SSBP4: variants seen among roughly 807,000 people sequenced by gnomAD.
The protein encoded by SSBP4 is single-stranded DNA-binding protein 4.
In SSBP4, 33 loss-of-function variants were observed where a neutral mutation model predicts 64.6. That is an observed-to-expected ratio of 0.51 (90% CI 0.39 to 0.68). SSBP4 has a LOEUF of 0.68. Ranked by LOEUF, SSBP4 falls within the 30% of genes least tolerant of loss-of-function variation. The pLI is 0.00. For missense variants in SSBP4, 583 were observed against 566.8 expected, an observed-to-expected ratio of 1.03 and a Z score of -0.29; for synonymous variants, 243 against 224.0, an observed-to-expected ratio of 1.08 and a Z score of -0.76.
In SSBP4 at chr19:18,423,359, G is replaced by A. The variant is rs1175098280; in HGVS notation, c.59+3652G>A. 6.6e-6 allele frequency among the ~76,000 whole-genome samples: 1 copy of A among 152,218 alleles called. No individual in the cohort carries two copies. Among genetic ancestry groups the A allele is most frequent in the Non-Finnish European group, 1.5e-5 (1 of 68,040 alleles). ...TTGGCCCCTGGCTGGAAATGGCTAT[G>A]AGGGGCAGGTGTGGAGGGTAGTAAG... On this transcript the variant is annotated intron_variant, in intron 1 of 17. Coordinates refer to ENST00000270061, the MANE Select transcript of SSBP4 (RefSeq NM_032627.5). The surrounding 1 kb of genome is among the most constrained non-coding windows in gnomAD (Gnocchi z 4.0).
chr19:18,405,497 CAA>C, the SSBP4 span, among the ~76,000 whole-genome samples: 841 of 124,190 alleles, frequency 6.8e-3, 1 homozygote, highest in Non-Finnish European at 9.2e-3. Flanking sequence ...TCTGTCTCTA[CAA>C]AAAAAAAAAA....
rs780991715 is a variant in SSBP4 at position 18,433,687 on chromosome 19, G to A, written c.1021-23G>A. The A allele has an allele frequency of 1.6e-4, 223 of 1,391,998 alleles. 8 individuals are homozygous for A. Among genetic ancestry groups the A allele is most frequent in the Non-Finnish European group, 1.2e-4 (127 of 1,078,386 alleles). 86.2% of individuals were successfully genotyped at this position (1,391,998 alleles called of 1,614,324 possible). ...GGGAGGGGGCGGGGCGGGGAGTTGCGAGCCGACGGCGGCCGCCCCCAGAGT... is the reference window on the plus strand; with the variant it reads ...GGGAGGGGGCGGGGCGGGGAGTTGCAAGCCGACGGCGGCCGCCCCCAGAGT... On this transcript the variant is annotated intron_variant, in intron 16 of 17. Coordinates refer to ENST00000270061, the MANE Select transcript of SSBP4 (RefSeq NM_032627.5).
Position 18,427,610 on chromosome 19 carries a change from C to A in SSBP4, c.133-142C>A. On this transcript the variant is annotated intron_variant, in intron 2 of 17. Transcript: ENST00000270061. The surrounding 1 kb of genome is among the most constrained non-coding windows in gnomAD (Gnocchi z 4.4). ...GGTCCACATGCCCAGCCGGGACCTG[C>A]CACACATCCTGGGGCCCTCTGCCCA... 2 of 1,196,792 alleles carry A rather than the reference C, an allele frequency of 1.7e-6. No homozygotes were observed. Among genetic ancestry groups the A allele is most frequent in the Non-Finnish European group, 2.3e-6 (2 of 869,858 alleles). 74.1% of individuals were successfully genotyped at this position (1,196,792 alleles called of 1,614,324 possible). A position where few individuals can be genotyped will look rare whatever the true frequency, so the allele number is the denominator to read the frequency against.
chr19:18,433,843 C>T (rs755234029), intron 17 of SSBP4, 26 bp downstream of exon 17: 8 of 1,357,276 alleles, frequency 5.9e-6, no homozygotes, highest in Admixed American at 3.5e-5. Context: ...GACTCCCCCC[C>T]CGCGGCGGCG....
chr19:18,425,142 G>A (rs1473434428), intron 1 of SSBP4, among the ~76,000 whole-genome samples: 1 of 151,890 alleles, frequency 6.6e-6, no homozygotes, highest in Non-Finnish European at 1.5e-5. Flanking sequence ...CCTGGGTTAG[G>A]CACTTATGGG....
the SSBP4 span, among the ~76,000 whole-genome samples, chr19:18,409,401 G>C: frequency 6.6e-6 from 1 of 152,078 alleles, no homozygotes; most frequent in South Asian, 2.1e-4. Context: ...TTGCCCATCT[G>C]TTCTCGAACT....
chr19:18,417,454 G>A (rs1168056162), upstream of SSBP4, among the ~76,000 whole-genome samples: 2 of 152,196 alleles, frequency 1.3e-5, no homozygotes, highest in Admixed American at 6.5e-5. This position sits in a 1 kb window ranked among gnomAD's most constrained non-coding sequence, Gnocchi z 5.4. Context: ...GGGCCCGGGA[G>A]TGCCGGTTGT....
chr19:18,434,055 C>A, intron 17 of SSBP4, 162 bp from the exon 18 acceptor site: 1 of 1,279,158 alleles, frequency 7.8e-7, no homozygotes, highest in Non-Finnish European at 9.9e-7. Flanking sequence ...CGCCCCAGGG[C>A]GGCCTTCCCA....
At chr19:18,432,413 C>A in intron 10 of SSBP4, 146 bp from the exon 11 acceptor site, 2 of 1,328,548 alleles carry the variant, frequency 1.5e-6, no homozygotes, top group Non-Finnish European at 2.1e-6. Context: ...TGGAACCTGG[C>A]AGCTCATGGT....
chr19:18,432,664 G>A lies in SSBP4; in HGVS notation c.751-36G>A, dbSNP rs544843525. On this transcript the variant is annotated intron_variant, in intron 11 of 17. Coordinates refer to ENST00000270061, the MANE Select transcript of SSBP4 (RefSeq NM_032627.5). ...GGGTGGGAGGGACACTGGGTGAGCCGCCTGGCTGACTGCTCACAGCTGCCC... is the reference window on the plus strand; with the variant it reads ...GGGTGGGAGGGACACTGGGTGAGCCACCTGGCTGACTGCTCACAGCTGCCC... The A allele has an allele frequency of 9.7e-5, 151 of 1,556,502 alleles. 3 individuals carry two copies. The South Asian group carries it at 1.6e-3, about 17-fold the overall frequency.
the SSBP4 span, among the ~76,000 whole-genome samples, chr19:18,404,805 T>C: frequency 1.4e-5 from 2 of 138,932 alleles, no homozygotes; most frequent in African/African-American, 5.5e-5. Flanking sequence ...GGCAGGAGAA[T>C]AGCGTGAACC....
upstream of SSBP4, among the ~76,000 whole-genome samples, chr19:18,417,883 CG>C (rs1438237048): frequency 6.9e-6 from 1 of 145,252 alleles, no homozygotes; most frequent in African/African-American, 2.6e-5. The surrounding 1 kb of genome is among the most constrained non-coding windows in gnomAD (Gnocchi z 5.4). Context: ...GGGGTGGGGG[CG>C]GGGGGTTCTC....
chr19:18,418,760 C>T (rs954361801), upstream of SSBP4: 1 of 159,832 alleles, frequency 6.3e-6, no homozygotes, highest in East Asian at 1.9e-4. The surrounding 1 kb of genome is among the most constrained non-coding windows in gnomAD (Gnocchi z 6.7). Context: ...ATAGTGCGCC[C>T]CAGGGTGACT....
chr19:18,432,557 A>G lies in SSBP4; in HGVS notation c.705-2A>G. ...GAGTCTGTCATCCGCGGTCTCTTCC[A>G]GGGGCCCAGGAGTTCGTGGCCCGTG... On this transcript the variant is annotated splice_acceptor_variant, in intron 10 of 17. Coordinates refer to ENST00000270061, the MANE Select transcript of SSBP4 (RefSeq NM_032627.5). LOFTEE classifies it high-confidence loss of function. The G allele has an allele frequency of 7.2e-7, 1 of 1,396,616 alleles. No homozygotes were observed. Among genetic ancestry groups the G allele is most frequent in the Admixed American group, 2.2e-5 (1 of 46,330 alleles). 86.5% of individuals were successfully genotyped at this position (1,396,616 alleles called of 1,614,324 possible).
the SSBP4 span, among the ~76,000 whole-genome samples, chr19:18,404,580 C>G: frequency 8.3e-5 from 10 of 120,266 alleles, no homozygotes. Flanking sequence ...GGTGACAGAG[C>G]GAGACTCTGT....
upstream of SSBP4, among the ~76,000 whole-genome samples, chr19:18,414,398 G>A (rs553997191): frequency 6.6e-6 from 1 of 152,178 alleles, no homozygotes; most frequent in African/African-American, 2.4e-5. Flanking sequence ...AAGCTGAGGT[G>A]GGAGGATCAC....
chr19:18,409,547 G>A, the SSBP4 span, among the ~76,000 whole-genome samples: 2 of 151,928 alleles, frequency 1.3e-5, no homozygotes, highest in South Asian at 4.2e-4. Flanking sequence ...AAAAAAAAAT[G>A]CCATGGCCAA....
rs1213144925 is a variant in SSBP4 at position 18,431,644 on chromosome 19, C to T, written c.436-3C>T. 4 of 1,548,924 alleles carry T rather than the reference C, an allele frequency of 2.6e-6. No homozygotes were observed. The highest frequency in any genetic ancestry group is 1.4e-5 in the African/African-American group (1 of 73,180). On this transcript the variant is annotated splice_region_variant and splice_polypyrimidine_tract_variant and intron_variant, in intron 6 of 17. Transcript: ENST00000270061. Reference sequence around the variant, plus strand: ...GGTGCTGATCCCCGCCCACCTCTTCCAGCCCTTCATGTCACCGCGCTTCCC... The same window carrying T: ...GGTGCTGATCCCCGCCCACCTCTTCTAGCCCTTCATGTCACCGCGCTTCCC...
At chr19:18,434,044 G>T (rs1269921907) in intron 17 of SSBP4, 173 bp from the exon 18 acceptor site, 2 of 978,182 alleles carry the variant, frequency 2.0e-6, no homozygotes. Context: ...CCCGGGACCC[G>T]CGCCCCAGGG....
Sources: allele counts gnomAD v4.1 joint callset (sites outside exome capture counted in the v4.1 genomes callset), GRCh38; gene constraint gnomAD v4.1.1; non-coding constraint Gnocchi (gnomAD v3.1); transcripts MANE v1.5; gene names NCBI Gene and HGNC (gene_info 2026-07-23, HGNC 2026-07-21).